Variants in ELAPOR2 observed in about 807,000 individuals in gnomAD.
The protein encoded by ELAPOR2 is endosome/lysosome-associated apoptosis and autophagy regulator family member 2.
Under a neutral mutation model 120.7 loss-of-function variants are expected in ELAPOR2, and 89 were observed. That is an observed-to-expected ratio of 0.74 (90% CI 0.62 to 0.88). ELAPOR2 has a LOEUF of 0.88. ELAPOR2 is among the 40% of genes least tolerant of loss of function. The pLI is 0.00. For synonymous variants in ELAPOR2, 444 were observed against 444.9 expected (o/e 1.00, Z 0.03); for missense variants, 1,134 against 1,251.6 (o/e 0.91, Z 1.42).
intron 19 of ELAPOR2, among the ~76,000 whole-genome samples, chr7:86,894,461 A>C (rs1487237316): frequency 1.3e-5 from 2 of 152,012 alleles, no homozygotes; most frequent in Non-Finnish European, 2.9e-5. Context: ...ACCATCTTTG[A>C]TATGGTTTTA....
intron 1 of ELAPOR2, among the ~76,000 whole-genome samples, chr7:86,970,196 A>G (rs1425175591): frequency 6.6e-6 from 1 of 152,178 alleles, no homozygotes; most frequent in African/African-American, 2.4e-5. Flanking sequence ...GCAGTTAATT[A>G]TCAAGATACA....
At chr7:86,962,990 G>A (rs1293044518) in intron 2 of ELAPOR2, among the ~76,000 whole-genome samples, 2 of 152,134 alleles carry the variant, frequency 1.3e-5, no homozygotes, top group Non-Finnish European at 1.5e-5. Context: ...ACAAGAAAAT[G>A]TTCACAAATC....
At chr7:86,990,474 C>T (rs1792908090) in intron 1 of ELAPOR2, among the ~76,000 whole-genome samples, 1 of 151,898 alleles carries the variant, frequency 6.6e-6, no homozygotes. Flanking sequence ...AAGGTCCTCA[C>T]CAGATGCCAC....
intron 1 of ELAPOR2, among the ~76,000 whole-genome samples, chr7:87,036,829 C>A (rs1372873907): frequency 6.6e-6 from 1 of 152,170 alleles, no homozygotes; most frequent in Non-Finnish European, 1.5e-5. Flanking sequence ...CTGTTGGGTA[C>A]TATGGTCAGT....
chr7:86,936,688 C>A (rs1415793782), intron 8 of ELAPOR2, among the ~76,000 whole-genome samples: 1 of 151,924 alleles, frequency 6.6e-6, no homozygotes, highest in Non-Finnish European at 1.5e-5. Context: ...GTGCATACAC[C>A]CATATACATA....
intron 1 of ELAPOR2, among the ~76,000 whole-genome samples, chr7:87,012,099 G>C (rs1383702408): frequency 6.6e-6 from 1 of 152,040 alleles, no homozygotes; most frequent in Non-Finnish European, 1.5e-5. Context: ...ACTTCAATTT[G>C]AAATAGCCAC....
At chr7:86,975,928 CA>C (rs770369207) in intron 1 of ELAPOR2, among the ~76,000 whole-genome samples, 37 of 151,972 alleles carry the variant, frequency 2.4e-4, no homozygotes, top group Non-Finnish European at 5.4e-4. Flanking sequence ...GTTCAGAATG[CA>C]AAAAACTACA....
chr7:86,942,593 CA>C (rs1414464737), intron 4 of ELAPOR2, among the ~76,000 whole-genome samples: 1 of 151,950 alleles, frequency 6.6e-6, no homozygotes, highest in Non-Finnish European at 1.5e-5. Context: ...AATCCAAATG[CA>C]AAAGTAAGTG....
chr7:86,925,680 C>A lies in ELAPOR2; in HGVS notation c.1271-24G>T. 3.1e-6 allele frequency: 5 copies of A among 1,608,610 alleles called. No homozygotes were observed. The South Asian group carries it at 3.3e-5, about 11-fold the overall frequency. ...TTCTACAGGAGACAAGTAGGGTCAA[C>A]AATTAAAATTAAACTGCATATGGAC... On this transcript the variant is annotated intron_variant, in intron 9 of 21. Transcript: ENST00000450689.
rs923533108 is a variant in ELAPOR2, at chr7:87,054,758, C to T, written c.189+4567G>A. ...CCACCATCTCACCTCCCAGTTAACACTCAACCCATCTCCACCATCCCATAG... is the reference window on the plus strand; with the variant it reads ...CCACCATCTCACCTCCCAGTTAACATTCAACCCATCTCCACCATCCCATAG... On this transcript the variant is annotated intron_variant, in intron 1 of 21. Coordinates refer to ENST00000450689, the MANE Select transcript of ELAPOR2 (RefSeq NM_001142749.3). 7.2e-5 allele frequency among the ~76,000 whole-genome samples: 11 copies of T among 152,296 alleles called. No individual in the cohort carries two copies. In the East Asian group the frequency reaches 1.7e-3, roughly 24 times the overall value.
intron 15 of ELAPOR2, among the ~76,000 whole-genome samples, chr7:86,910,778 T>C (rs1789265384): frequency 6.6e-6 from 1 of 152,082 alleles, no homozygotes. Context: ...GGAAAACTAT[T>C]TCATTGGTGT....
chr7:87,059,345 G>A lies in ELAPOR2; in HGVS notation c.169C>T (p.Pro57Ser). Residue 57 changes from proline (P) to serine (S), a missense_variant, in exon 1 of 22, where the codon CCG becomes TCG. Physicochemically the swap from Pro to Ser is moderately conservative, Grantham distance 74. This residue lies in a region of ELAPOR2 where 280 missense variants were observed against 331.5 expected (regional missense o/e 0.84). Coordinates refer to ENST00000450689, the MANE Select transcript of ELAPOR2 (RefSeq NM_001142749.3). ...AGDLPSSSSR[P>S]LPPCQEKDYH... ...CTCACCTCCTGGCAAGGAGGAAGCGGGCGGCTGGAGGAGGAGGGCAGGTCC... is the reference window on the plus strand; with the variant it reads ...CTCACCTCCTGGCAAGGAGGAAGCGAGCGGCTGGAGGAGGAGGGCAGGTCC... The A allele has an allele frequency of 8.0e-7, 1 of 1,248,262 alleles. No homozygotes were observed. Among genetic ancestry groups the A allele is most frequent in the Non-Finnish European group, 1.0e-6 (1 of 988,718 alleles). 77.3% of individuals were successfully genotyped at this position (1,248,262 alleles called of 1,614,324 possible). A position where few individuals can be genotyped will look rare whatever the true frequency, so the allele number is the denominator to read the frequency against.
chr7:86,923,679 A>G (rs1789929438), intron 10 of ELAPOR2, among the ~76,000 whole-genome samples: 1 of 152,108 alleles, frequency 6.6e-6, no homozygotes, highest in African/African-American at 2.4e-5. Flanking sequence ...AAACTTTGCC[A>G]AATTGTTTTC....
At chr7:86,918,392 G>T in intron 12 of ELAPOR2, 50 bp downstream of exon 12, 2 of 942,424 alleles carry the variant, frequency 2.1e-6, no homozygotes, top group South Asian at 3.4e-5. Context: ...ACACTTGAAG[G>T]AGAATGCTAA....
intron 10 of ELAPOR2, among the ~76,000 whole-genome samples, chr7:86,921,158 CTTG>C (rs1311876104): frequency 6.6e-6 from 1 of 152,098 alleles, no homozygotes; most frequent in Non-Finnish European, 1.5e-5. Flanking sequence ...GAACAGAACA[CTTG>C]TTGTTATGCA....
At chr7:87,029,221 G>A (rs567255319) in intron 1 of ELAPOR2, among the ~76,000 whole-genome samples, 93 of 152,142 alleles carry the variant, frequency 6.1e-4, no homozygotes, top group African/African-American at 2.0e-3. Flanking sequence ...CTAGGCCAGG[G>A]GTAAACATAA....
In ELAPOR2 at chr7:87,059,442, C is replaced by T; in HGVS notation, c.72G>A (p.Gly24=). 1 of 1,230,632 alleles carries T rather than the reference C, an allele frequency of 8.1e-7. No individual in the cohort carries two copies. Among genetic ancestry groups the T allele is most frequent in the Non-Finnish European group, 1.0e-6 (1 of 983,794 alleles). 76.2% of individuals were successfully genotyped at this position (1,230,632 alleles called of 1,614,324 possible). A position where few individuals can be genotyped will look rare whatever the true frequency, so the allele number is the denominator to read the frequency against. ...WGRPAEAPRR[G]RSPPWSPAWI... The stretch of plus-strand genomic sequence containing the variant: ...AGGCGGGGCTCCAGGGCGGCGAGCG[C>T]CCGCGGCGGGGAGCCTCCGCCGGCC... The change falls in exon 1 of 22, where the codon GGG becomes GGA. Residue 24 remains glycine (G), a synonymous_variant. Transcript: ENST00000450689.
intron 15 of ELAPOR2, among the ~76,000 whole-genome samples, chr7:86,910,819 A>G (rs1280294181): frequency 6.6e-6 from 1 of 152,112 alleles, no homozygotes; most frequent in Non-Finnish European, 1.5e-5. Context: ...ATGTGTAAAA[A>G]GAAAAGTATA....
intron 2 of ELAPOR2, among the ~76,000 whole-genome samples, chr7:86,950,807 G>A (rs1202579373): frequency 1.3e-5 from 2 of 152,354 alleles, no homozygotes; most frequent in Non-Finnish European, 2.9e-5. Context: ...TCAGGCAAAG[G>A]TGCCACTGGC....
Sources: gnomAD v4.1 joint callset for allele counts (sites outside exome capture counted in the v4.1 genomes callset) on GRCh38, gnomAD v4.1.1 for gene constraint, gnomAD v4.1.1 regional missense constraint, MANE v1.5 for transcripts, NCBI Gene and HGNC (gene_info 2026-07-23, HGNC 2026-07-21) for gene names.